The following NFIX variants were observed in gnomAD, a reference collection of about 807,000 sequenced individuals.
NFIX encodes nuclear factor I X, also known as nuclear factor 1 X-type.
NFIX carries 2 observed loss-of-function variants against 53.3 expected under a neutral mutation model. That is an observed-to-expected ratio of 0.04 (90% CI 0.02 to 0.12). The LOEUF (loss-of-function observed/expected upper bound fraction) is 0.12. Among genes scored for constraint, NFIX ranks in the 10% least tolerant of loss-of-function variants. The pLI is 1.00. For missense variants in NFIX, 310 were observed against 674.5 expected (o/e 0.46, Z 5.99); for synonymous variants, 244 against 289.0 (o/e 0.84, Z 1.58).
chr19:13,077,067 CTT>C (rs903442343), intron 6 of NFIX, among the ~76,000 whole-genome samples: 3 of 152,114 alleles, frequency 2.0e-5, no homozygotes, highest in East Asian at 1.9e-4. Flanking sequence ...CCGGGAGACT[CTT>C]GGGCTACATC....
intron 10 of NFIX, among the ~76,000 whole-genome samples, chr19:13,091,367 T>TG (rs922131964): frequency 4.1e-5 from 6 of 145,668 alleles, no homozygotes; most frequent in Non-Finnish European, 9.0e-5. Context: ...GGTTTGAGAT[T>TG]GTTTTTTTTT....
rs78897270 is a variant in NFIX at position 13,005,231 on chromosome 19, G to A, written c.27+9367G>A. Among the ~76,000 whole-genome samples the A allele has an allele frequency of 0.082, 12,528 of 152,298 alleles. 687 individuals are homozygous for A. Among genetic ancestry groups the A allele is most frequent in the Non-Finnish European group, 0.12 (8,431 of 68,022 alleles). On this transcript the variant is annotated intron_variant, in intron 1 of 10. Transcript: ENST00000592199. The surrounding 1 kb of genome is among the most constrained non-coding windows in gnomAD (Gnocchi z 4.7). ...AGAAGAGACAGCGGTCAGCAGAATG[G>A]TAGAAGAAGATAGGATAATAGCAAA...
intron 2 of NFIX, among the ~76,000 whole-genome samples, chr19:13,035,779 A>G (rs1305455240): frequency 6.6e-6 from 1 of 152,198 alleles, no homozygotes; most frequent in Non-Finnish European, 1.5e-5. Context: ...ACTTTTAAAT[A>G]TAGAGGTATC....
At chr19:13,076,523 C>T (rs541994569) in intron 6 of NFIX, among the ~76,000 whole-genome samples, 23 of 152,252 alleles carry the variant, frequency 1.5e-4, no homozygotes, top group Non-Finnish European at 3.1e-4. Flanking sequence ...CCCCCGCTGA[C>T]GTGCCAGTGG....
intron 2 of NFIX, among the ~76,000 whole-genome samples, chr19:13,058,127 C>T (rs959621333): frequency 5.9e-5 from 9 of 151,950 alleles, no homozygotes; most frequent in Non-Finnish European, 1.3e-4. Context: ...TGGGGACCCT[C>T]CCAGCTCCTG....
chr19:13,004,455 C>G (rs1012142455), intron 1 of NFIX, among the ~76,000 whole-genome samples: 1 of 152,132 alleles, frequency 6.6e-6, no homozygotes, highest in African/African-American at 2.4e-5. Flanking sequence ...CAGTGTTACC[C>G]CAGCACACAG....
rs913896729 is a variant in NFIX, at chr19:13,037,959, C to T, written c.559+12407C>T. ...GGGAGAATAAGCAGACCCTGCTGTG[C>T]GTGGTCTCTCCTCAGGACGCCTCTT... On this transcript the variant is annotated intron_variant, in intron 2 of 10. Transcript: ENST00000592199. The surrounding 1 kb of genome is among the most constrained non-coding windows in gnomAD (Gnocchi z 4.2). 6.6e-6 allele frequency among the ~76,000 whole-genome samples: 1 copy of T among 152,146 alleles called. No individual in the cohort carries two copies. Among genetic ancestry groups the T allele is most frequent in the Non-Finnish European group, 1.5e-5 (1 of 68,038 alleles).
chr19:12,999,825 G>C (rs1257801970), intron 1 of NFIX, among the ~76,000 whole-genome samples: 1 of 152,228 alleles, frequency 6.6e-6, no homozygotes, highest in Non-Finnish European at 1.5e-5. Flanking sequence ...CGAAGCTATA[G>C]CTCTCTGTCC....
chr19:13,062,013 C>T (rs145622705), intron 2 of NFIX, among the ~76,000 whole-genome samples: 212 of 152,226 alleles, frequency 1.4e-3, no homozygotes, highest in Non-Finnish European at 2.5e-3. Context: ...GGGCTCCAAG[C>T]TGGAAATTTG....
At chr19:13,070,727 C>G (rs906569361) in intron 2 of NFIX, 11 of 152,414 alleles carry the variant, frequency 7.2e-5, no homozygotes, top group African/African-American at 2.7e-4. Flanking sequence ...AGGGGCTGCA[C>G]TCGCACCGGA....
chr19:13,030,719 G>A (rs2013736160), intron 2 of NFIX, among the ~76,000 whole-genome samples: 1 of 152,084 alleles, frequency 6.6e-6, no homozygotes, highest in Admixed American at 6.5e-5. Context: ...TTCTGAAACT[G>A]GAGTGTTCAG....
At position 13,034,141 on chromosome 19, in the gene NFIX, G is replaced by T. The variant is rs777985827; in HGVS notation, c.559+8589G>T. ...AACTTCATCAGGATTACTGGCTTTGGCAGAGTCTCAGAGGAGAAAACCTCA... is the reference window on the plus strand; with the variant it reads ...AACTTCATCAGGATTACTGGCTTTGTCAGAGTCTCAGAGGAGAAAACCTCA... On this transcript the variant is annotated intron_variant, in intron 2 of 10. Transcript: ENST00000592199. 3.3e-5 allele frequency among the ~76,000 whole-genome samples: 5 copies of T among 152,296 alleles called. No homozygotes were observed. In the Middle Eastern group the frequency reaches 0.014, roughly 414 times the overall value.
In NFIX at chr19:13,049,855, G is replaced by A. The variant is rs2015221229; in HGVS notation, c.560-23192G>A. ...GATCCGCTCACCTCGGCCTCCCAAA[G>A]TGTTGGGATTACAGGCGAGAGCCAC... On this transcript the variant is annotated intron_variant, in intron 2 of 10. Coordinates refer to ENST00000592199, the MANE Select transcript of NFIX (RefSeq NM_001365902.3). The surrounding 1 kb of genome is among the most constrained non-coding windows in gnomAD (Gnocchi z 4.5). 6.6e-6 allele frequency among the ~76,000 whole-genome samples: 1 copy of A among 152,188 alleles called. No homozygotes were observed. The highest frequency in any genetic ancestry group is 1.5e-5 in the Non-Finnish European group (1 of 68,040).
rs964702154 is a variant in NFIX, at chr19:13,095,435, G to A, written c.*786G>A. On this transcript the variant is annotated 3_prime_UTR_variant, in exon 11 of 11. Transcript: ENST00000592199. ...TCTGTACAGTCCGTAGGAAAAAGTC[G>A]GAATGCTCTCGACGGCCTCGTCCCA... 2.0e-5 allele frequency: 3 copies of A among 152,280 alleles called. No individual in the cohort carries two copies. The highest frequency in any genetic ancestry group is 2.0e-4 in the Admixed American group (3 of 15,292). 9.4% of individuals were successfully genotyped at this position (152,280 alleles called of 1,614,324 possible). A position where few individuals can be genotyped will look rare whatever the true frequency, so the allele number is the denominator to read the frequency against.
Position 13,073,998 on chromosome 19 carries a change from C to T in NFIX, c.790C>T (p.Arg264Trp), listed in dbSNP as rs755556407. 1.2e-6 allele frequency: 2 copies of T among 1,613,990 alleles called. No homozygotes were observed. Among genetic ancestry groups the T allele is most frequent in the Non-Finnish European group, 1.7e-6 (2 of 1,179,886 alleles). Residue 264 changes from arginine (R) to tryptophan (W), a missense_variant, in exon 5 of 11, where the codon CGG (arginine) becomes TGG (tryptophan). Around this residue, in one of 5 missense-constraint regions of NFIX, gnomAD observed 164 missense variants for 284.4 expected, o/e 0.58. Coordinates refer to ENST00000592199, the MANE Select transcript of NFIX (RefSeq NM_001365902.3). The surrounding 1 kb of genome is among the most constrained non-coding windows in gnomAD (Gnocchi z 4.5). ...CATCAACCAGGTGACCCTGGGGCGG[C>T]GGTCCATCACCTCCCCTCCTTCCAC... ...YNINQVTLGR[R>W]SITSPPSTST...
chr19:13,054,027 G>A (rs1432619658), intron 2 of NFIX, among the ~76,000 whole-genome samples: 1 of 152,020 alleles, frequency 6.6e-6, no homozygotes, highest in Non-Finnish European at 1.5e-5. Flanking sequence ...TCCTGAGCAC[G>A]GATCCCAGCT....
At chr19:13,087,092 G>A (rs186332788) in intron 8 of NFIX, among the ~76,000 whole-genome samples, 6 of 152,322 alleles carry the variant, frequency 3.9e-5, no homozygotes, top group African/African-American at 1.4e-4. Flanking sequence ...GGAGGTGTGT[G>A]CCCAAACCTC....
At chr19:13,007,284 T>G (rs1231705045) in intron 1 of NFIX, among the ~76,000 whole-genome samples, 2 of 150,430 alleles carry the variant, frequency 1.3e-5, no homozygotes, top group South Asian at 2.1e-4. Flanking sequence ...AATTTGGGGG[T>G]GGGGGCCGGG....
Position 13,040,820 on chromosome 19 carries a change from C to T in NFIX, c.559+15268C>T, listed in dbSNP as rs1262285764. 1.3e-5 allele frequency among the ~76,000 whole-genome samples: 2 copies of T among 152,188 alleles called. No homozygotes were observed. The highest frequency in any genetic ancestry group is 2.4e-5 in the African/African-American group (1 of 41,440). ...CAGATCTTAAAGTTGATTCTGCTGC[C>T]GCTGCTGTACCTTTGCTTGCCTCGG... On this transcript the variant is annotated intron_variant, in intron 2 of 10. Coordinates refer to ENST00000592199, the MANE Select transcript of NFIX (RefSeq NM_001365902.3). This position sits in a 1 kb window ranked among gnomAD's most constrained non-coding sequence, Gnocchi z 4.2.
Sources: allele counts gnomAD v4.1 joint callset (sites outside exome capture counted in the v4.1 genomes callset), GRCh38; gene constraint gnomAD v4.1.1; regional missense constraint gnomAD v4.1.1; non-coding constraint Gnocchi (gnomAD v3.1); transcripts MANE v1.5; gene names NCBI Gene and HGNC (gene_info 2026-07-23, HGNC 2026-07-21).